The following LRRIQ3 variants were observed in gnomAD, a reference collection of about 807,000 sequenced individuals.
LRRIQ3 encodes the protein leucine rich repeats and IQ motif containing 3.
In LRRIQ3, 75 loss-of-function variants were observed where a neutral mutation model predicts 59.3. The observed-to-expected ratio is 1.26, with a 90% CI of 1.05 to 1.53. The LOEUF (loss-of-function observed/expected upper bound fraction) is 1.53, where lower values mean the gene tolerates loss of function less well. Ranked by LOEUF, LRRIQ3 falls within the 40% of genes most tolerant of loss-of-function variation. The pLI, the probability that LRRIQ3 is intolerant of heterozygous loss-of-function variation, is 0.00. For missense variants in LRRIQ3, 831 were observed against 710.0 expected, an observed-to-expected ratio of 1.17 and a Z score of -1.94; for synonymous variants, 250 against 231.3, an observed-to-expected ratio of 1.08 and a Z score of -0.73.
At chr1:74,091,237 CA>C (rs1335141241) in intron 5 of LRRIQ3, among the ~76,000 whole-genome samples, 1 of 152,038 alleles carries the variant, frequency 6.6e-6, no homozygotes, top group Non-Finnish European at 1.5e-5. Flanking sequence ...CTGAATAATC[CA>C]TAAAATCTCG....
At chr1:74,100,005 G>C (rs983374680) in intron 5 of LRRIQ3, among the ~76,000 whole-genome samples, 4 of 152,144 alleles carry the variant, frequency 2.6e-5, no homozygotes, top group African/African-American at 9.7e-5. Context: ...ACAAGACAGG[G>C]ATGCCCTCTC....
intron 5 of LRRIQ3, among the ~76,000 whole-genome samples, chr1:74,087,813 A>G (rs1646345471): frequency 6.6e-6 from 1 of 152,062 alleles, no homozygotes; most frequent in Admixed American, 6.6e-5. Context: ...TAAAAAAGTC[A>G]TCAGGCTGGG....
At chr1:74,100,480 GC>G (rs1646514255) in intron 5 of LRRIQ3, among the ~76,000 whole-genome samples, 1 of 152,088 alleles carries the variant, frequency 6.6e-6, no homozygotes, top group African/African-American at 2.4e-5. Flanking sequence ...TGGCCATATT[GC>G]CCAAGGTAAT....
intron 5 of LRRIQ3, among the ~76,000 whole-genome samples, chr1:74,105,206 C>T (rs1039868366): frequency 6.6e-6 from 1 of 151,246 alleles, no homozygotes; most frequent in Non-Finnish European, 1.5e-5. Context: ...ATCTTGCTGA[C>T]TATACCTTAA....
At chr1:74,043,532 CA>C (rs1356698779) in intron 6 of LRRIQ3, among the ~76,000 whole-genome samples, 4 of 152,062 alleles carry the variant, frequency 2.6e-5, no homozygotes, top group Non-Finnish European at 4.4e-5. Context: ...GATAGAAAGC[CA>C]AAGTGTCCAG....
At chr1:74,125,537 G>C (rs923058647) in intron 4 of LRRIQ3, among the ~76,000 whole-genome samples, 3 of 151,644 alleles carry the variant, frequency 2.0e-5, no homozygotes, top group African/African-American at 4.8e-5. Flanking sequence ...TCTATATCTA[G>C]TTTATTTAGG....
intron 4 of LRRIQ3, among the ~76,000 whole-genome samples, chr1:74,145,188 A>G (rs1351241493): frequency 6.6e-6 from 1 of 152,124 alleles, no homozygotes; most frequent in Admixed American, 6.6e-5. Flanking sequence ...CAGTCATATG[A>G]CTTAGCTTAA....
At chr1:74,169,033 A>C (rs1414547453) in intron 3 of LRRIQ3, among the ~76,000 whole-genome samples, 3 of 152,142 alleles carry the variant, frequency 2.0e-5, no homozygotes, top group African/African-American at 7.2e-5. Flanking sequence ...GAACTTCCTC[A>C]TCTTGCATAA....
chr1:74,080,304 G>C (rs1460950578), intron 5 of LRRIQ3, among the ~76,000 whole-genome samples: 1 of 151,566 alleles, frequency 6.6e-6, no homozygotes, highest in African/African-American at 2.4e-5. Context: ...ATCATAATAA[G>C]AATTTCTCAG....
At chr1:74,186,622 T>C (rs1322789555) in intron 1 of LRRIQ3, among the ~76,000 whole-genome samples, 2 of 152,186 alleles carry the variant, frequency 1.3e-5, no homozygotes, top group African/African-American at 2.4e-5. Flanking sequence ...ATTGGCACTA[T>C]TGCCTCACTT....
intron 5 of LRRIQ3, among the ~76,000 whole-genome samples, chr1:74,101,915 G>C (rs564065531): frequency 2.0e-5 from 3 of 152,018 alleles, no homozygotes; most frequent in Admixed American, 6.6e-5. Context: ...GTCATATGGT[G>C]GGGGGAGCGG....
At chr1:74,088,083 A>T (rs1339664792) in intron 5 of LRRIQ3, among the ~76,000 whole-genome samples, 1 of 151,916 alleles carries the variant, frequency 6.6e-6, no homozygotes, top group African/African-American at 2.4e-5. Flanking sequence ...ACAGAGTGAG[A>T]CTCCATCAAA....
intron 7 of LRRIQ3, among the ~76,000 whole-genome samples, chr1:74,031,449 C>T (rs1653709063): frequency 6.6e-6 from 1 of 152,096 alleles, no homozygotes; most frequent in African/African-American, 2.4e-5. Flanking sequence ...ATGATGAGTT[C>T]ATGTCCTTTG....
intron 6 of LRRIQ3, among the ~76,000 whole-genome samples, chr1:74,044,739 G>A (rs929217424): frequency 6.6e-6 from 1 of 151,894 alleles, no homozygotes; most frequent in African/African-American, 2.4e-5. Flanking sequence ...ATAAAAGAGA[G>A]GAGAATCAAA....
chr1:74,168,980 A>C (rs1570248718), intron 3 of LRRIQ3, among the ~76,000 whole-genome samples: 1 of 152,136 alleles, frequency 6.6e-6, no homozygotes, highest in African/African-American at 2.4e-5. Context: ...TTTACAATAC[A>C]TTATTGCAAG....
intron 5 of LRRIQ3, among the ~76,000 whole-genome samples, chr1:74,098,210 G>GA (rs1220149271): frequency 6.6e-6 from 1 of 152,022 alleles, no homozygotes; most frequent in Non-Finnish European, 1.5e-5. Flanking sequence ...GATGGAGGAA[G>GA]ATTTACCAAG....
chr1:74,158,219 T>C (rs1648455044), intron 3 of LRRIQ3, among the ~76,000 whole-genome samples: 2 of 152,166 alleles, frequency 1.3e-5, no homozygotes, highest in Admixed American at 1.3e-4. Flanking sequence ...CATTAATTCC[T>C]GTTCCCCCAC....
intron 6 of LRRIQ3, among the ~76,000 whole-genome samples, chr1:74,053,603 T>A (rs991950241): frequency 6.6e-6 from 1 of 152,098 alleles, no homozygotes; most frequent in Admixed American, 6.6e-5. Context: ...GCAGGAGGAT[T>A]GCTTGAGCCA....
rs1653518612 is a variant in LRRIQ3, at chr1:74,026,430, A to C, written c.*383T>G. On this transcript the variant is annotated 3_prime_UTR_variant, in exon 8 of 8. Coordinates refer to ENST00000354431, the MANE Select transcript of LRRIQ3 (RefSeq NM_001105659.2). ...CATCAACGTACACAGTGTCTTAATA[A>C]AAGTCAGCAGTTGGAGTAGAAATTA... The C allele has an allele frequency of 6.4e-6, 1 of 156,548 alleles. No individual in the cohort carries two copies. The highest frequency in any genetic ancestry group is 1.9e-4 in the East Asian group (1 of 5,268). The allele number at this position is 156,548 out of a possible 1,614,324, so 9.7% of individuals were successfully genotyped here.
Sources: gnomAD v4.1 joint callset for allele counts (sites outside exome capture counted in the v4.1 genomes callset) on GRCh38, gnomAD v4.1.1 for gene constraint, MANE v1.5 for transcripts, NCBI Gene and HGNC (gene_info 2026-07-23, HGNC 2026-07-21) for gene names.